The following TRPM4 variants were observed in gnomAD, a reference collection of about 807,000 sequenced individuals.
TRPM4 encodes the protein transient receptor potential cation channel subfamily M member 4, also known as calcium-activated non-selective cation channel 1.
A neutral mutation model predicts 135.6 loss-of-function variants in TRPM4; 124 were observed. The observed-to-expected ratio is 0.91, with a 90% CI of 0.79 to 1.06. The LOEUF is 1.06. TRPM4 is among the 50% of genes least tolerant of loss of function. TRPM4 has a pLI of 0.00. For synonymous variants in TRPM4, 745 were observed against 705.6 expected (o/e 1.06, Z -0.88); for missense variants, 1,658 against 1,671.4 (o/e 0.99, Z 0.14).
chr19:49,177,618 C>T (rs1438138217), intron 9 of TRPM4, among the ~76,000 whole-genome samples: 2 of 152,048 alleles, frequency 1.3e-5, no homozygotes, highest in African/African-American at 2.4e-5. Context: ...GAGCCACCAC[C>T]CCTGGCCCAT....
At chr19:49,194,808 G>A (rs779431827) in intron 16 of TRPM4, among the ~76,000 whole-genome samples, 40 of 124,704 alleles carry the variant, frequency 3.2e-4, no homozygotes, top group African/African-American at 1.0e-3. Flanking sequence ...TGTTGCCTCC[G>A]CTGAAGTATA....
At chr19:49,159,163 C>G (rs2041587962) in intron 2 of TRPM4, 1 of 151,282 alleles carries the variant, frequency 6.6e-6, no homozygotes, top group Non-Finnish European at 1.5e-5. Context: ...TCCCGAGTAG[C>G]TGGGACTACA....
In TRPM4 at chr19:49,211,316, A is replaced by AT. The variant is rs1342468104; in HGVS notation, c.3640+52dup. The stretch of plus-strand genomic sequence containing the variant: ...GTGCATCTCCAGCCTCTGTTCCTGT[A>AT]TTTTTGCGTGTTTTTCTCTCTCGGC... On this transcript the variant is annotated intron_variant, in intron 24 of 24. Coordinates refer to ENST00000252826, the MANE Select transcript of TRPM4 (RefSeq NM_017636.4). The surrounding 1 kb of genome is among the most constrained non-coding windows in gnomAD (Gnocchi z 4.8). 1 of 1,581,434 alleles carries AT rather than the reference A, an allele frequency of 6.3e-7. No homozygotes were observed. Among genetic ancestry groups the AT allele is most frequent in the Non-Finnish European group, 8.6e-7 (1 of 1,161,604 alleles).
chr19:49,174,935 G>T (rs112238237), intron 9 of TRPM4, among the ~76,000 whole-genome samples: 1,689 of 150,882 alleles, frequency 0.011, 39 homozygotes, highest in African/African-American at 0.039. Flanking sequence ...ATAAGGCCTC[G>T]CTCTGTTGCT....
In TRPM4 at chr19:49,190,685, C is replaced by G. The variant is rs1329269086; in HGVS notation, c.2133-11C>G. 1 of 1,614,008 alleles carries G rather than the reference C, an allele frequency of 6.2e-7. No homozygotes were observed. Among genetic ancestry groups the G allele is most frequent in the South Asian group, 1.1e-5 (1 of 91,080 alleles). On this transcript the variant is annotated splice_polypyrimidine_tract_variant and intron_variant, in intron 15 of 24. Transcript: ENST00000252826. ...CCCTCATTTCTTGCTCTGTGCTTCCCCCCTTGCTAGGAAATCAGAAGAGGA... is the reference window on the plus strand; with the variant it reads ...CCCTCATTTCTTGCTCTGTGCTTCCGCCCTTGCTAGGAAATCAGAAGAGGA...
rs750086956 is a variant in TRPM4, at chr19:49,171,372, T to C, written c.812T>C (p.Ile271Thr). The change falls in exon 7 of 25, where the codon ATC (isoleucine) becomes ACC (threonine). Residue 271 changes from isoleucine (I) to threonine (T), a missense_variant. Ile to Thr is a moderately conservative substitution (Grantham distance 89). This residue lies in a region of TRPM4 where 1,412 missense variants were observed against 1,408.7 expected (regional missense o/e 1.00). Transcript: ENST00000252826. This position sits in a 1 kb window ranked among gnomAD's most constrained non-coding sequence, Gnocchi z 4.7. ...KTGVGGTGID[I>T]PVLLLLIDGD... is the part of the protein sequence containing the mutation. ...CTTGCCTCAGGGACTGGAATTGACA[T>C]CCCTGTCCTGCTCCTCCTGATTGAT... 6.2e-7 allele frequency: 1 copy of C among 1,613,986 alleles called. No individual in the cohort carries two copies. The highest frequency in any genetic ancestry group is 2.2e-5 in the East Asian group (1 of 44,856).
intron 12 of TRPM4, among the ~76,000 whole-genome samples, chr19:49,187,844 G>A (rs1490523423): frequency 6.6e-6 from 1 of 152,078 alleles, no homozygotes; most frequent in African/African-American, 2.4e-5. Context: ...GAATCACAGG[G>A]GTTGGAAGTG....
chr19:49,187,504 C>T (rs140567180), intron 12 of TRPM4, among the ~76,000 whole-genome samples: 23 of 151,652 alleles, frequency 1.5e-4, no homozygotes, highest in Non-Finnish European at 2.9e-4. Context: ...ACCACCACGC[C>T]TGGCTAACTA....
chr19:49,211,230 C>G lies in TRPM4; in HGVS notation c.3601C>G (p.Pro1201Ala), dbSNP rs769645447. Residue 1201 changes from proline to alanine, a missense_variant, in exon 24 of 25, where the codon CCA (proline) becomes GCA (alanine). Physicochemically the swap from Pro to Ala is conservative, Grantham distance 27. Coordinates refer to ENST00000252826, the MANE Select transcript of TRPM4 (RefSeq NM_017636.4). This position sits in a 1 kb window ranked among gnomAD's most constrained non-coding sequence, Gnocchi z 4.8. ...CCTGAGCCGCTCTGCCTTGCTGCCCCCAGGTGGGCCGCCACCCCCTGACCT... is the reference window on the plus strand; with the variant it reads ...CCTGAGCCGCTCTGCCTTGCTGCCCGCAGGTGGGCCGCCACCCCCTGACCT... ...EALSRSALLPPGGPPPPDLPG... is the reference protein window; with the variant it reads ...EALSRSALLPAGGPPPPDLPG... The G allele has an allele frequency of 5.0e-6, 8 of 1,592,816 alleles. No homozygotes were observed. In the South Asian group the frequency reaches 6.8e-5, roughly 14 times the overall value.
At chr19:49,188,593 C>G (rs1005215985) in intron 12 of TRPM4, 48 bp from the exon 13 acceptor site, 26 of 1,613,848 alleles carry the variant, frequency 1.6e-5, no homozygotes, top group East Asian at 8.9e-5. Flanking sequence ...GCTTCCTCCC[C>G]CTCTATGAAC....
In TRPM4 at chr19:49,202,061, C is replaced by T; in HGVS notation, c.3051C>T (p.Asn1017=). The change falls in exon 20 of 25, where the codon AAC becomes AAT. Residue 1017 remains asparagine, a synonymous_variant. Coordinates refer to ENST00000252826, the MANE Select transcript of TRPM4 (RefSeq NM_017636.4). Reference sequence around the variant, plus strand: ...GCACCTGCGTCTCCCAGTATGCCAACTGGCTGGTGGTGCTGCTCCTCGTCA... The same window carrying T: ...GCACCTGCGTCTCCCAGTATGCCAATTGGCTGGTGGTGCTGCTCCTCGTCA... ...QAGTCVSQYA[N]WLVVLLLVIF... is the part of the protein sequence containing the mutation. 1 of 1,614,124 alleles carries T rather than the reference C, an allele frequency of 6.2e-7. No individual in the cohort carries two copies. Among genetic ancestry groups the T allele is most frequent in the Non-Finnish European group, 8.5e-7 (1 of 1,180,048 alleles).
chr19:49,188,024 G>A (rs1315613673), intron 12 of TRPM4, among the ~76,000 whole-genome samples: 1 of 152,186 alleles, frequency 6.6e-6, no homozygotes, highest in African/African-American at 2.4e-5. Context: ...AATTGGGGGA[G>A]CCAGAGGCTG....
At chr19:49,203,701 A>T (rs1330348824) in intron 20 of TRPM4, among the ~76,000 whole-genome samples, 1 of 152,172 alleles carries the variant, frequency 6.6e-6, no homozygotes, top group Non-Finnish European at 1.5e-5. Flanking sequence ...ATGTAAGTGG[A>T]ATTATGCGAT....
Position 49,168,105 on chromosome 19 carries a change from A to G in TRPM4, c.448+8A>G. ...GGGCTGCCCAGAGCACAGGTGACCG[A>G]GGGTGGGTGGGGGCTGTCTCCTGGG... On this transcript the variant is annotated splice_region_variant and intron_variant, in intron 4 of 24. Transcript: ENST00000252826. 6.3e-7 allele frequency: 1 copy of G among 1,599,548 alleles called. No individual in the cohort carries two copies. Among genetic ancestry groups the G allele is most frequent in the Middle Eastern group, 1.9e-4 (1 of 5,200 alleles).
Position 49,210,733 on chromosome 19 carries a change from G to A in TRPM4, c.3352G>A (p.Glu1118Lys), listed in dbSNP as rs999232875. The A allele has an allele frequency of 5.6e-6, 9 of 1,614,198 alleles. No individual in the cohort carries two copies. Among genetic ancestry groups the A allele is most frequent in the Non-Finnish European group, 6.8e-6 (8 of 1,180,046 alleles). The change falls in exon 22 of 25, where the codon GAG becomes AAG. Residue 1118 changes from glutamate (E) to lysine (K), a missense_variant. By Grantham distance (56) the Glu-to-Lys change is moderately conservative. Transcript: ENST00000252826. This position sits in a 1 kb window ranked among gnomAD's most constrained non-coding sequence, Gnocchi z 4.1. ...HFRVYLSKEA[E>K]RKLLTWESVH... ...AGGGGTTTACCTTTCTAAGGAAGCCGAGCGGAAGCTGCTAACGTGGGAATC... is the reference window on the plus strand; with the variant it reads ...AGGGGTTTACCTTTCTAAGGAAGCCAAGCGGAAGCTGCTAACGTGGGAATC...
chr19:49,200,751 G>A lies in TRPM4; in HGVS notation c.2919G>A (p.Gln973=). ...GCGTCTTCTACCGTCCCTACCTGCA[G>A]ATCTTCGGGCAGATTCCCCAGGAGG... The part of the protein sequence containing the change: ...LRRVFYRPYL[Q]IFGQIPQEDM... The change falls in exon 19 of 25, where the codon CAG becomes CAA. Residue 973 remains glutamine (Q), a synonymous_variant. Transcript: ENST00000252826. 1 of 1,614,140 alleles carries A rather than the reference G, an allele frequency of 6.2e-7. No homozygotes were observed. Among genetic ancestry groups the A allele is most frequent in the Non-Finnish European group, 8.5e-7 (1 of 1,180,030 alleles).
intron 2 of TRPM4, chr19:49,159,322 G>T (rs531338364): frequency 2.6e-5 from 4 of 151,664 alleles, no homozygotes; most frequent in East Asian, 1.9e-4. Context: ...GAGCCATCGC[G>T]CTGGGCCAAT....
At position 49,182,763 on chromosome 19, in the gene TRPM4, C is replaced by G. The variant is rs937917897; in HGVS notation, c.1449C>G (p.Ser483Arg). 6.2e-7 allele frequency: 1 copy of G among 1,613,658 alleles called. No individual in the cohort carries two copies. Reference protein sequence around the residue: ...IRNLLDQASHSAGTKAPALKG... With the variant: ...IRNLLDQASHRAGTKAPALKG... ...ACCTTTTGGACCAGGCGTCCCACAG[C>G]GCAGGCACCAAAGCCCCAGCCCTAA... Residue 483 changes from serine to arginine, a missense_variant, in exon 11 of 25, where the codon AGC becomes AGG. This residue lies in a region of TRPM4 where 1,412 missense variants were observed against 1,408.7 expected (regional missense o/e 1.00). Coordinates refer to ENST00000252826, the MANE Select transcript of TRPM4 (RefSeq NM_017636.4).
rs750216006 is a variant in TRPM4, at chr19:49,211,062, A to G, written c.3509A>G (p.Gln1170Arg). Residue 1170 changes from glutamine to arginine, a missense_variant, in exon 23 of 25, where the codon CAG becomes CGG. By Grantham distance (43) the Gln-to-Arg change is conservative (BLOSUM62 1). Around this residue, in one of 3 missense-constraint regions of TRPM4, gnomAD observed 1,412 missense variants for 1,408.7 expected, o/e 1.00. Coordinates refer to ENST00000252826, the MANE Select transcript of TRPM4 (RefSeq NM_017636.4). The surrounding 1 kb of genome is among the most constrained non-coding windows in gnomAD (Gnocchi z 4.8). ...CTGGGACACATCCGCGAGTACGAAC[A>G]GCGCCTGAAAGTGCTGGAGCGGGAG... is the stretch of plus-strand genomic sequence containing the variant. The part of the protein sequence containing the change: ...KQLGHIREYE[Q>R]RLKVLEREVQ... 1 of 1,614,118 alleles carries G rather than the reference A, an allele frequency of 6.2e-7. No homozygotes were observed. The highest frequency in any genetic ancestry group is 1.1e-5 in the South Asian group (1 of 91,076).
Sources: gnomAD v4.1 joint callset for allele counts (sites outside exome capture counted in the v4.1 genomes callset) on GRCh38, gnomAD v4.1.1 for gene constraint, gnomAD v4.1.1 regional missense constraint, Gnocchi (gnomAD v3.1) non-coding constraint, MANE v1.5 for transcripts, NCBI Gene and HGNC (gene_info 2026-07-23, HGNC 2026-07-21) for gene names.